Variants in CACNA2D2 observed in about 807,000 individuals in gnomAD.
The protein encoded by CACNA2D2 is calcium voltage-gated channel auxiliary subunit alpha2delta 2, also known as voltage-dependent calcium channel subunit alpha-2/delta-2.
In CACNA2D2, 48 loss-of-function variants were observed where a neutral mutation model predicts 166.4. That is an observed-to-expected ratio of 0.29 (90% CI 0.23 to 0.37). The LOEUF is 0.37. CACNA2D2 is among the 10% of genes least tolerant of loss of function. CACNA2D2 has a pLI of 1.00. For synonymous variants in CACNA2D2, 561 were observed against 573.7 expected, an observed-to-expected ratio of 0.98 and a Z score of 0.32; for missense variants, 1,122 against 1,433.0, an observed-to-expected ratio of 0.78 and a Z score of 3.50.
Position 50,366,168 on chromosome 3 carries a change from G to C in CACNA2D2, c.2710-5C>G, listed in dbSNP as rs779228458. 3 of 1,613,874 alleles carry C rather than the reference G, an allele frequency of 1.9e-6. No homozygotes were observed. In the African/African-American group the frequency reaches 4.0e-5, roughly 22 times the overall value. On this transcript the variant is annotated splice_polypyrimidine_tract_variant and splice_region_variant and intron_variant, in intron 31 of 37. Transcript: ENST00000424201. This position sits in a 1 kb window ranked among gnomAD's most constrained non-coding sequence, Gnocchi z 5.9. ...CTCACTGAAGAACCTGCCCACCTGA[G>C]GATGTCAGGAGAAAGCCATGGTCAC...
intron 1 of CACNA2D2, among the ~76,000 whole-genome samples, chr3:50,482,521 G>A (rs1404032416): frequency 6.6e-6 from 1 of 152,226 alleles, no homozygotes; most frequent in Non-Finnish European, 1.5e-5. Flanking sequence ...GACCCAAAGA[G>A]GAGCTAAGTG....
At chr3:50,471,446 T>G (rs555304201) in intron 2 of CACNA2D2, among the ~76,000 whole-genome samples, 6 of 152,148 alleles carry the variant, frequency 3.9e-5, no homozygotes, top group Non-Finnish European at 7.4e-5. Context: ...CCCCACCAGC[T>G]TCCTTCTTCC....
intron 2 of CACNA2D2, among the ~76,000 whole-genome samples, chr3:50,453,853 G>C (rs1444586426): frequency 6.6e-6 from 1 of 152,174 alleles, no homozygotes; most frequent in African/African-American, 2.4e-5. Flanking sequence ...TGGGAGGTAG[G>C]CTAATGTGGA....
intron 1 of CACNA2D2, among the ~76,000 whole-genome samples, chr3:50,479,463 TA>T (rs1009872764): frequency 8.5e-5 from 13 of 152,256 alleles, no homozygotes; most frequent in Non-Finnish European, 1.5e-4. Flanking sequence ...GTCTCAGAGT[TA>T]AAAGAAAATA....
chr3:50,379,380 G>C lies in CACNA2D2; in HGVS notation c.1152+52C>G. ...CGTCTTGATTTCCTGGGTACACCAA[G>C]CCAGGGCCCTCTACTCCCCCAGCCG... On this transcript the variant is annotated intron_variant, in intron 11 of 37. Coordinates refer to ENST00000424201, the MANE Select transcript of CACNA2D2 (RefSeq NM_006030.4). This position sits in a 1 kb window ranked among gnomAD's most constrained non-coding sequence, Gnocchi z 6.5. 1 of 1,598,512 alleles carries C rather than the reference G, an allele frequency of 6.3e-7. No homozygotes were observed. The highest frequency in any genetic ancestry group is 2.2e-5 in the East Asian group (1 of 44,570).
chr3:50,470,987 G>T (rs1431448916), intron 2 of CACNA2D2, among the ~76,000 whole-genome samples: 1 of 152,120 alleles, frequency 6.6e-6, no homozygotes, highest in African/African-American at 2.4e-5. Flanking sequence ...TTCCATTAAA[G>T]AATAATATAT....
chr3:50,501,934 G>A (rs915371733), intron 1 of CACNA2D2, among the ~76,000 whole-genome samples: 32 of 152,200 alleles, frequency 2.1e-4, no homozygotes, highest in African/African-American at 7.5e-4. Context: ...ACGTCCGTGC[G>A]GCACTTGTAA....
At chr3:50,450,231 ATC>A (rs996041082) in intron 2 of CACNA2D2, among the ~76,000 whole-genome samples, 1 of 152,130 alleles carries the variant, frequency 6.6e-6, no homozygotes, top group African/African-American at 2.4e-5. Context: ...TTGACAGCGG[ATC>A]GGCCTGGCTC....
At chr3:50,485,996 T>A (rs1314431857) in intron 1 of CACNA2D2, among the ~76,000 whole-genome samples, 3 of 152,058 alleles carry the variant, frequency 2.0e-5, no homozygotes, top group Non-Finnish European at 4.4e-5. Context: ...TATGGGCATT[T>A]TGGGGTCTGC....
chr3:50,397,417 G>A lies in CACNA2D2; in HGVS notation c.406-3249C>T, dbSNP rs533439066. Among the ~76,000 whole-genome samples, 192 of 152,198 alleles carry A rather than the reference G, an allele frequency of 1.3e-3. 1 individual carries two copies. The highest frequency in any genetic ancestry group is 2.2e-3 in the Non-Finnish European group (151 of 67,996). On this transcript the variant is annotated intron_variant, in intron 3 of 37. Coordinates refer to ENST00000424201, the MANE Select transcript of CACNA2D2 (RefSeq NM_006030.4). ...GGGTGCAGTGGAGTGGGCAGGCTTC[G>A]GCCACAAGGTCCCATCAGGCCTGAG...
intron 3 of CACNA2D2, among the ~76,000 whole-genome samples, chr3:50,431,173 C>T (rs1280812195): frequency 6.6e-6 from 1 of 152,090 alleles, no homozygotes; most frequent in African/African-American, 2.4e-5. Context: ...GGGTCCAGTC[C>T]CCCAACAGCC....
intron 22 of CACNA2D2, among the ~76,000 whole-genome samples, chr3:50,371,624 C>T (rs1704659322): frequency 6.6e-6 from 1 of 152,134 alleles, no homozygotes; most frequent in Non-Finnish European, 1.5e-5. Flanking sequence ...CAAATACTCC[C>T]ACAATGCACT....
At position 50,376,404 on chromosome 3, in the gene CACNA2D2, C is replaced by T. The variant is rs1343758537; in HGVS notation, c.1627-216G>A. 6.6e-6 allele frequency among the ~76,000 whole-genome samples: 1 copy of T among 152,188 alleles called. No individual in the cohort carries two copies. On this transcript the variant is annotated intron_variant, in intron 17 of 37. Transcript: ENST00000424201. This position sits in a 1 kb window ranked among gnomAD's most constrained non-coding sequence, Gnocchi z 4.3. ...GTGCACCAGCCCTTGCCAAGGCTAA[C>T]CGGCGTGTGGGCTGCTGCTCTGCAG...
intron 22 of CACNA2D2, among the ~76,000 whole-genome samples, chr3:50,372,794 CAG>C (rs1487246092): frequency 7.9e-5 from 12 of 151,924 alleles, no homozygotes; most frequent in Non-Finnish European, 1.5e-4. Context: ...GGGGCCTCCC[CAG>C]AGAGAGTGAG....
chr3:50,417,068 C>G (rs946007917), intron 3 of CACNA2D2, among the ~76,000 whole-genome samples: 2 of 152,198 alleles, frequency 1.3e-5, no homozygotes, highest in African/African-American at 4.8e-5. Flanking sequence ...TATACATGCA[C>G]TTGTGGGTGC....
intron 2 of CACNA2D2, among the ~76,000 whole-genome samples, chr3:50,475,369 T>G (rs923623721): frequency 8.5e-5 from 13 of 152,158 alleles, no homozygotes; most frequent in African/African-American, 3.1e-4. Flanking sequence ...TGCTCAGTTC[T>G]GGTCAGTACC....
chr3:50,439,103 T>C (rs1220840773), intron 2 of CACNA2D2, among the ~76,000 whole-genome samples: 2 of 152,226 alleles, frequency 1.3e-5, no homozygotes, highest in African/African-American at 2.4e-5. Context: ...GTCATACTCT[T>C]TGTACAGTTC....
Position 50,380,059 on chromosome 3 carries a change from A to G in CACNA2D2, c.843-41T>C. The G allele has an allele frequency of 3.7e-6, 6 of 1,602,302 alleles. No individual in the cohort carries two copies. Among genetic ancestry groups the G allele is most frequent in the Non-Finnish European group, 5.1e-6 (6 of 1,169,404 alleles). ...CTCTGTTAGGGTAAGGCCCACTGGGACCTTGTGGGTCCTTCCTTCCTTCAC... is the reference window on the plus strand; with the variant it reads ...CTCTGTTAGGGTAAGGCCCACTGGGGCCTTGTGGGTCCTTCCTTCCTTCAC... On this transcript the variant is annotated intron_variant, in intron 8 of 37. Coordinates refer to ENST00000424201, the MANE Select transcript of CACNA2D2 (RefSeq NM_006030.4). The surrounding 1 kb of genome is among the most constrained non-coding windows in gnomAD (Gnocchi z 4.9).
chr3:50,367,913 A>AG lies in CACNA2D2; in HGVS notation c.2144-12dup. On this transcript the variant is annotated splice_polypyrimidine_tract_variant and intron_variant, in intron 24 of 37. Coordinates refer to ENST00000424201, the MANE Select transcript of CACNA2D2 (RefSeq NM_006030.4). The surrounding 1 kb of genome is among the most constrained non-coding windows in gnomAD (Gnocchi z 6.5). ...GAAGGAAGTTGTTGCCTGGAACAGG[A>AG]GGGGAGGGGTGGGGGTGGGGGCATC... 6.5e-6 allele frequency: 1 copy of AG among 153,532 alleles called. No homozygotes were observed. The highest frequency in any genetic ancestry group is 1.3e-5 in the Non-Finnish European group (1 of 77,448). 9.5% of individuals were successfully genotyped at this position (153,532 alleles called of 1,614,324 possible). A position where few individuals can be genotyped will look rare whatever the true frequency, so the allele number is the denominator to read the frequency against.
Sources: allele counts gnomAD v4.1 joint callset (sites outside exome capture counted in the v4.1 genomes callset), GRCh38; gene constraint gnomAD v4.1.1; non-coding constraint Gnocchi (gnomAD v3.1); transcripts MANE v1.5; gene names NCBI Gene and HGNC (gene_info 2026-07-23, HGNC 2026-07-21).